APC: variants seen among roughly 807,000 people sequenced by gnomAD.
The protein encoded by APC is APC regulator of Wnt signaling pathway.
APC carries 72 observed loss-of-function variants against 247.0 expected under a neutral mutation model. That is an observed-to-expected ratio of 0.29 (90% CI 0.24 to 0.35). APC has a LOEUF of 0.35. APC is among the 10% of genes least tolerant of loss of function. The pLI, the probability that APC is intolerant of heterozygous loss-of-function variation, is 1.00. For synonymous variants in APC, 1,254 were observed against 1,162.5 expected (o/e 1.08, Z -1.60); for missense variants, 3,400 against 3,360.7 (o/e 1.01, Z -0.29).
intron 1 of APC, among the ~76,000 whole-genome samples, chr5:112,724,257 A>C (rs1451580986): frequency 6.6e-6 from 1 of 152,126 alleles, no homozygotes; most frequent in Non-Finnish European, 1.5e-5. Context: ...GTTATGAAGA[A>C]GAAAAAGCTT....
intron 4 of APC, 72 bp downstream of exon 4, chr5:112,767,462 A>G: frequency 7.9e-7 from 1 of 1,267,836 alleles, no homozygotes; most frequent in South Asian, 1.3e-5. Context: ...TATAATATTT[A>G]AATTGTGAAT....
rs927290200 is a variant in APC at position 112,846,230 on chromosome 5, G to A, written c.*2104G>A. On this transcript the variant is annotated 3_prime_UTR_variant, in exon 16 of 16. Transcript: ENST00000257430. ...TTCCCAGGCTTCCATAAACAATGGAGATACATGCATATAGGTCATACTGGT... is the reference window on the plus strand; with the variant it reads ...TTCCCAGGCTTCCATAAACAATGGAAATACATGCATATAGGTCATACTGGT... 1 of 229,466 alleles carries A rather than the reference G, an allele frequency of 4.4e-6. No homozygotes were observed. The highest frequency in any genetic ancestry group is 8.6e-6 in the Non-Finnish European group (1 of 115,728). 14.2% of individuals were successfully genotyped at this position (229,466 alleles called of 1,614,324 possible).
At chr5:112,758,348 G>A (rs536475206) in intron 2 of APC, among the ~76,000 whole-genome samples, 1 of 151,868 alleles carries the variant, frequency 6.6e-6, no homozygotes, top group South Asian at 2.1e-4. Context: ...GTTTTGAGAC[G>A]AAGTCTCACA....
intron 10 of APC, 85 bp downstream of exon 10, chr5:112,819,429 C>T (rs1282106713): frequency 2.6e-6 from 4 of 1,540,414 alleles, no homozygotes; most frequent in Admixed American, 1.7e-5. Flanking sequence ...AGTTAATATG[C>T]TGTCTTTATG....
chr5:112,769,705 T>C (rs901407267), intron 4 of APC, among the ~76,000 whole-genome samples: 1 of 152,214 alleles, frequency 6.6e-6, no homozygotes, highest in African/African-American at 2.4e-5. Context: ...GATAAAGATA[T>C]GGTTCTACTT....
chr5:112,738,582 C>A, intron 1 of APC: 1 of 792,190 alleles, frequency 1.3e-6, no homozygotes, highest in Non-Finnish European at 1.5e-6. Context: ...ATACCAGTGT[C>A]TTTGTTAGTT....
chr5:112,741,175 A>G (rs543874883), intron 1 of APC, among the ~76,000 whole-genome samples: 1 of 152,180 alleles, frequency 6.6e-6, no homozygotes, highest in South Asian at 2.1e-4. Context: ...ACTAATCTCT[A>G]AGAAAACTCA....
intron 1 of APC, among the ~76,000 whole-genome samples, chr5:112,715,458 A>G (rs1019429612): frequency 2.0e-5 from 3 of 152,184 alleles, no homozygotes; most frequent in African/African-American, 4.8e-5. Context: ...CGTTTGTGCT[A>G]AGAGACCTGA....
At chr5:112,806,489 G>A (rs925633889) in intron 8 of APC, among the ~76,000 whole-genome samples, 40 of 152,184 alleles carry the variant, frequency 2.6e-4, no homozygotes, top group Middle Eastern at 3.4e-3. Context: ...AATTATACAG[G>A]CCAGATCCCT....
intron 14 of APC, among the ~76,000 whole-genome samples, chr5:112,832,778 G>A (rs1232735002): frequency 6.6e-6 from 1 of 152,146 alleles, no homozygotes; most frequent in African/African-American, 2.4e-5. Flanking sequence ...TGATTGATTT[G>A]ATTAAATTCA....
At chr5:112,779,901 C>A (rs1205731072) in intron 5 of APC, among the ~76,000 whole-genome samples, 5 of 152,146 alleles carry the variant, frequency 3.3e-5, no homozygotes, top group African/African-American at 1.2e-4. Context: ...GTTCTTGGAC[C>A]AGAATGCCAT....
In APC at chr5:112,780,864, A is replaced by G. The variant is rs878853460; in HGVS notation, c.606A>G (p.Glu202=). Residue 202 remains glutamate (E), a synonymous_variant, in exon 6 of 16, where the codon GAA becomes GAG. Transcript: ENST00000257430. ...GGCAAATCAGAGTTGCGATGGAAGA[A>G]CAACTAGGTACCTGCCAGGATATGG... ...EARQIRVAME[E]QLGTCQDMEK... The G allele has an allele frequency of 6.2e-7, 1 of 1,613,076 alleles. No homozygotes were observed. Among genetic ancestry groups the G allele is most frequent in the Non-Finnish European group, 8.5e-7 (1 of 1,179,214 alleles).
At chr5:112,827,027 CT>C (rs1763733000) in intron 11 of APC, 80 bp from the exon 12 acceptor site, 47 of 1,390,346 alleles carry the variant, frequency 3.4e-5, no homozygotes, top group Non-Finnish European at 4.2e-5. Flanking sequence ...TTTTTTTTTC[CT>C]AGTATTTAAG....
At chr5:112,814,548 A>C (rs1189032099) in intron 8 of APC, among the ~76,000 whole-genome samples, 2 of 152,184 alleles carry the variant, frequency 1.3e-5, no homozygotes, top group African/African-American at 4.8e-5. Flanking sequence ...AATTAATTTG[A>C]ATATCCTTCA....
At chr5:112,754,291 A>G (rs1754706750) in intron 1 of APC, among the ~76,000 whole-genome samples, 1 of 152,242 alleles carries the variant, frequency 6.6e-6, no homozygotes, top group Non-Finnish European at 1.5e-5. Flanking sequence ...TAAAGTCTTC[A>G]TTTAATGCTC....
chr5:112,735,211 T>G (rs148569131), upstream of APC, among the ~76,000 whole-genome samples: 359 of 152,220 alleles, frequency 2.4e-3, 1 homozygote, highest in Non-Finnish European at 3.8e-3. Flanking sequence ...ACATGGTCTC[T>G]GTTGCACAGG....
At chr5:112,711,159 C>G (rs1334390759) in intron 1 of APC, among the ~76,000 whole-genome samples, 1 of 152,206 alleles carries the variant, frequency 6.6e-6, no homozygotes, top group African/African-American at 2.4e-5. Context: ...GGGGAGCAAG[C>G]ATTACCACCT....
chr5:112,773,435 A>G (rs1757274331), intron 4 of APC, among the ~76,000 whole-genome samples: 1 of 152,162 alleles, frequency 6.6e-6, no homozygotes, highest in Non-Finnish European at 1.5e-5. Flanking sequence ...CCCTTGAACA[A>G]TTCAGGGATT....
chr5:112,829,084 CTA>C (rs1372835287), intron 14 of APC, 112 bp downstream of exon 14: 16 of 750,042 alleles, frequency 2.1e-5, no homozygotes, highest in Non-Finnish European at 3.5e-5. Flanking sequence ...TTATTCAGTA[CTA>C]TAATATGAAT....
Sources: gnomAD v4.1 joint callset for allele counts (sites outside exome capture counted in the v4.1 genomes callset) on GRCh38, gnomAD v4.1.1 for gene constraint, MANE v1.5 for transcripts, NCBI Gene and HGNC (gene_info 2026-07-23, HGNC 2026-07-21) for gene names.